The following ASIC2 variants were observed in gnomAD, a reference collection of about 807,000 sequenced individuals.
ASIC2 encodes the protein acid sensing ion channel subunit 2.
A neutral mutation model predicts 57.3 loss-of-function variants in ASIC2; 25 were observed. The ratio of observed to expected loss-of-function variants is 0.44; its 90% CI spans 0.32 to 0.61. ASIC2 has a LOEUF of 0.61. Ranked by LOEUF, ASIC2 falls within the 20% of genes least tolerant of loss-of-function variation. The pLI, the probability that ASIC2 is intolerant of heterozygous loss-of-function variation, is 0.06. For synonymous variants in ASIC2, 319 were observed against 307.5 expected (o/e 1.04, Z -0.39); for missense variants, 641 against 738.1 (o/e 0.87, Z 1.52).
At chr17:33,015,028 C>T (rs1164989549) in intron 9 of ASIC2, among the ~76,000 whole-genome samples, 1 of 152,166 alleles carries the variant, frequency 6.6e-6, no homozygotes, top group East Asian at 1.9e-4. Context: ...GACCGTGGGC[C>T]CCTTCCACAC....
At chr17:33,676,817 C>G (rs1245104215) in intron 1 of ASIC2, among the ~76,000 whole-genome samples, 1 of 152,180 alleles carries the variant, frequency 6.6e-6, no homozygotes. Flanking sequence ...CACCAAATCC[C>G]ACGTTGAGTT....
chr17:33,049,590 G>A (rs916730982), intron 3 of ASIC2, among the ~76,000 whole-genome samples: 1 of 152,098 alleles, frequency 6.6e-6, no homozygotes, highest in Non-Finnish European at 1.5e-5. Context: ...GATTGCAAAC[G>A]GCTCAGTACA....
chr17:34,085,423 T>C (rs1910074016), intron 1 of ASIC2, among the ~76,000 whole-genome samples: 1 of 152,262 alleles, frequency 6.6e-6, no homozygotes, highest in Non-Finnish European at 1.5e-5. Context: ...TCTGATGTGC[T>C]GCTGGATTCG....
chr17:33,895,503 C>A (rs1459135824), intron 1 of ASIC2, among the ~76,000 whole-genome samples: 1 of 152,188 alleles, frequency 6.6e-6, no homozygotes, highest in African/African-American at 2.4e-5. Flanking sequence ...AATAGTGAAG[C>A]AGCATGGCCT....
intron 1 of ASIC2, among the ~76,000 whole-genome samples, chr17:33,978,155 G>C (rs1053818079): frequency 2.6e-5 from 4 of 152,196 alleles, no homozygotes; most frequent in Admixed American, 6.5e-5. Flanking sequence ...GCCAGGGCTT[G>C]GTGAGCTTCT....
At chr17:33,563,788 C>G (rs1916148166) in intron 1 of ASIC2, among the ~76,000 whole-genome samples, 1 of 152,136 alleles carries the variant, frequency 6.6e-6, no homozygotes. Flanking sequence ...GAGTGACTTG[C>G]CCAAGCCCAT....
At position 33,782,358 on chromosome 17, in the gene ASIC2, C is replaced by CT. The variant is rs772291908; in HGVS notation, c.555+373619dup. Among the ~76,000 whole-genome samples the CT allele has an allele frequency of 5.2e-3, 690 of 133,756 alleles. 3 individuals carry two copies. The highest frequency in any genetic ancestry group is 0.017 in the South Asian group (69 of 4,126). The allele number at this position is 133,756 out of a possible 152,430, so 87.7% of individuals were successfully genotyped here. Reference sequence around the variant, plus strand: ...AAGTATAAGGTTTAGATTGAAGTTCCTTTTTTTTTTTTTTGCCCATTGCTC... The same window carrying CT: ...AAGTATAAGGTTTAGATTGAAGTTCCTTTTTTTTTTTTTTTGCCCATTGCTC... On this transcript the variant is annotated intron_variant, in intron 1 of 9. Coordinates refer to the ASIC2 transcript ENST00000359872.
intron 1 of ASIC2, among the ~76,000 whole-genome samples, chr17:33,505,296 G>A (rs1022886598): frequency 4.6e-5 from 7 of 151,982 alleles, no homozygotes; most frequent in Non-Finnish European, 2.9e-5. Context: ...GGAAGAGAAA[G>A]AGCATTTTCA....
chr17:33,924,553 C>T (rs1305740963), intron 1 of ASIC2, among the ~76,000 whole-genome samples: 1 of 152,250 alleles, frequency 6.6e-6, no homozygotes, highest in East Asian at 1.9e-4. Context: ...CAAATTTCCA[C>T]CTCCCAAAAT....
chr17:33,293,267 G>A lies in ASIC2; in HGVS notation c.-1152C>T, dbSNP rs895426646. 1.3e-5 allele frequency among the ~76,000 whole-genome samples: 2 copies of A among 151,948 alleles called. No individual in the cohort carries two copies. Among genetic ancestry groups the A allele is most frequent in the African/African-American group, 4.8e-5 (2 of 41,410 alleles). ...TGGCGCGGCTGGGCTCCGAGCACCTGCTCCTCAGCTCGCTGGCCCCGCGGC... is the reference window on the plus strand; with the variant it reads ...TGGCGCGGCTGGGCTCCGAGCACCTACTCCTCAGCTCGCTGGCCCCGCGGC... On this transcript the variant is annotated 5_prime_UTR_variant, in exon 1 of 10. Transcript: ENST00000225823.
At chr17:33,656,628 T>C (rs1243623591) in intron 1 of ASIC2, among the ~76,000 whole-genome samples, 1 of 152,156 alleles carries the variant, frequency 6.6e-6, no homozygotes, top group African/African-American at 2.4e-5. Context: ...CTTCTTCAAG[T>C]CTCATTTTAG....
At chr17:34,082,566 C>T (rs1473823109) in intron 1 of ASIC2, among the ~76,000 whole-genome samples, 1 of 152,178 alleles carries the variant, frequency 6.6e-6, no homozygotes, top group East Asian at 1.9e-4. Flanking sequence ...TACCAAAGGC[C>T]AGCTTCTGCA....
chr17:33,284,885 G>A (rs1264169692), intron 1 of ASIC2, among the ~76,000 whole-genome samples: 1 of 152,184 alleles, frequency 6.6e-6, no homozygotes, highest in Admixed American at 6.5e-5. Flanking sequence ...ATATCAGGAA[G>A]CTCCTTTTAG....
At chr17:33,951,596 T>C (rs960770535) in intron 1 of ASIC2, among the ~76,000 whole-genome samples, 1 of 152,030 alleles carries the variant, frequency 6.6e-6, no homozygotes, top group African/African-American at 2.4e-5. Context: ...TTTTTTCTTT[T>C]TTTTTCGATG....
chr17:33,106,465 C>A (rs1418053472), intron 2 of ASIC2, among the ~76,000 whole-genome samples: 3 of 152,166 alleles, frequency 2.0e-5, no homozygotes, highest in Non-Finnish European at 4.4e-5. Flanking sequence ...GTCTTTCTGA[C>A]ACTCGAACCC....
At chr17:34,084,539 C>T (rs1307938876) in intron 1 of ASIC2, among the ~76,000 whole-genome samples, 2 of 152,062 alleles carry the variant, frequency 1.3e-5, no homozygotes, top group African/African-American at 4.8e-5. Context: ...TTTTTTGGTT[C>T]CATATGAACT....
chr17:33,508,421 C>T (rs1055478411), intron 1 of ASIC2, among the ~76,000 whole-genome samples: 5 of 152,258 alleles, frequency 3.3e-5, no homozygotes, highest in South Asian at 2.1e-4. Context: ...AGCGTTATCT[C>T]GGGCTACCAC....
chr17:33,322,617 A>G (rs965082381), intron 1 of ASIC2, among the ~76,000 whole-genome samples: 1 of 152,216 alleles, frequency 6.6e-6, no homozygotes, highest in Non-Finnish European at 1.5e-5. Context: ...TGAGCTGTAT[A>G]CAGAATTAAG....
chr17:33,260,110 G>A (rs73982485), intron 1 of ASIC2, among the ~76,000 whole-genome samples: 19,380 of 152,160 alleles, frequency 0.13, 1,365 homozygotes, highest in Middle Eastern at 0.18. Context: ...CCGCACTCCA[G>A]CCTGGGCAGC....
Sources: allele counts gnomAD v4.1 joint callset (sites outside exome capture counted in the v4.1 genomes callset), GRCh38; gene constraint gnomAD v4.1.1; transcripts MANE v1.5; gene names NCBI Gene and HGNC (gene_info 2026-07-23, HGNC 2026-07-21).